SPSB1: variants seen among roughly 807,000 people sequenced by gnomAD.
SPSB1 encodes splA/ryanodine receptor domain and SOCS box containing 1.
Under a neutral mutation model 21.2 loss-of-function variants are expected in SPSB1, and 8 were observed. That is an observed-to-expected ratio of 0.38 (90% CI 0.22 to 0.68). SPSB1 has a LOEUF of 0.68. Ranked by LOEUF, SPSB1 falls within the 30% of genes least tolerant of loss-of-function variation. The pLI, the probability that SPSB1 is intolerant of heterozygous loss-of-function variation, is 0.53. For synonymous variants in SPSB1, 169 were observed against 161.7 expected (o/e 1.05, Z -0.34); for missense variants, 242 against 377.8 (o/e 0.64, Z 2.98).
chr1:9,306,822 GGAGA>G (rs1337514557), intron 1 of SPSB1, among the ~76,000 whole-genome samples: 2 of 152,184 alleles, frequency 1.3e-5, no homozygotes, highest in Non-Finnish European at 2.9e-5. Flanking sequence ...TCTGAGCTAA[GGAGA>G]GAAAGTAAAG....
At chr1:9,355,613 C>T (rs1009960315) in intron 1 of SPSB1, 130 bp from the exon 2 acceptor site, 156 of 1,038,104 alleles carry the variant, frequency 1.5e-4, no homozygotes, top group Non-Finnish European at 1.8e-4. Flanking sequence ...CCAGCCTGCC[C>T]GTGTCAGGCA....
At chr1:9,333,403 T>A (rs2100494460) in intron 1 of SPSB1, among the ~76,000 whole-genome samples, 1 of 149,456 alleles carries the variant, frequency 6.7e-6, no homozygotes, top group South Asian at 2.1e-4. Context: ...TGATCTCGGC[T>A]CACTGCAACC....
At chr1:9,343,336 C>T (rs991679895) in intron 1 of SPSB1, among the ~76,000 whole-genome samples, 1 of 151,306 alleles carries the variant, frequency 6.6e-6, no homozygotes, top group Non-Finnish European at 1.5e-5. Context: ...CTGGTCATTT[C>T]GTCGAAAGGG....
At chr1:9,364,407 C>A (rs1640523988) in intron 2 of SPSB1, among the ~76,000 whole-genome samples, 1 of 152,228 alleles carries the variant, frequency 6.6e-6, no homozygotes, top group African/African-American at 2.4e-5. Flanking sequence ...AGAATCTGGT[C>A]TGGATTCCGT....
chr1:9,346,689 C>T lies in SPSB1; in HGVS notation c.-149-9054C>T, dbSNP rs561901959. Among the ~76,000 whole-genome samples, 13 of 152,304 alleles carry T rather than the reference C, an allele frequency of 8.5e-5. No homozygotes were observed. In the South Asian group the frequency reaches 2.7e-3, roughly 32 times the overall value. On this transcript the variant is annotated intron_variant, in intron 1 of 2. Transcript: ENST00000328089. The surrounding 1 kb of genome is among the most constrained non-coding windows in gnomAD (Gnocchi z 4.4). ...CTCCCCCAGGGTCTGCTCTCAGTGC[C>T]TCATTCCTCCTCACCTCCTCCTCTT...
rs1640513014 is a variant in SPSB1 at position 9,363,699 on chromosome 1, GA to G, written c.695-3745del. Among the ~76,000 whole-genome samples the G allele has an allele frequency of 6.6e-6, 1 of 151,824 alleles. No homozygotes were observed. Among genetic ancestry groups the G allele is most frequent in the South Asian group, 2.1e-4 (1 of 4,812 alleles). On this transcript the variant is annotated intron_variant, in intron 2 of 2. Transcript: ENST00000328089. The surrounding 1 kb of genome is among the most constrained non-coding windows in gnomAD (Gnocchi z 4.5). ...GCTCATGTGGGCCTCTGCAGTTTTA[GA>G]AAATTTTTTTTTTTTTGGAGATGGA...
At chr1:9,316,075 A>G (rs2100476573) in intron 1 of SPSB1, among the ~76,000 whole-genome samples, 1 of 152,296 alleles carries the variant, frequency 6.6e-6, no homozygotes, top group South Asian at 2.1e-4. Context: ...GTGGGTCCGC[A>G]GCGGCACAGT....
At chr1:9,357,432 T>C (rs1041876641) in intron 2 of SPSB1, among the ~76,000 whole-genome samples, 10 of 152,204 alleles carry the variant, frequency 6.6e-5, no homozygotes, top group African/African-American at 2.4e-4. Flanking sequence ...GGTTTGATCC[T>C]CAGTTGACCA....
At chr1:9,339,817 C>T (rs1640060689) in intron 1 of SPSB1, among the ~76,000 whole-genome samples, 1 of 152,166 alleles carries the variant, frequency 6.6e-6, no homozygotes, top group Admixed American at 6.5e-5. Flanking sequence ...TTCTTGTGGA[C>T]CTGGTGGCAG....
intron 2 of SPSB1, among the ~76,000 whole-genome samples, chr1:9,360,051 A>G (rs988405441): frequency 6.6e-5 from 10 of 152,124 alleles, no homozygotes; most frequent in Admixed American, 2.0e-4. Flanking sequence ...CGACACATCC[A>G]GGGGGCCCTG....
intron 1 of SPSB1, among the ~76,000 whole-genome samples, chr1:9,327,032 G>C (rs755161745): frequency 6.6e-6 from 1 of 152,102 alleles, no homozygotes; most frequent in Non-Finnish European, 1.5e-5. Context: ...CTTGGCTTAG[G>C]GGCAGGTGCT....
At chr1:9,323,042 A>G (rs1639747816) in intron 1 of SPSB1, among the ~76,000 whole-genome samples, 1 of 151,644 alleles carries the variant, frequency 6.6e-6, no homozygotes. Context: ...TCTGGCTGTC[A>G]CTCTTTGATG....
rs1264952141 is a variant in SPSB1 at position 9,348,148 on chromosome 1, T to C, written c.-149-7595T>C. On this transcript the variant is annotated intron_variant, in intron 1 of 2. Coordinates refer to ENST00000328089, the MANE Select transcript of SPSB1 (RefSeq NM_025106.4). This position sits in a 1 kb window ranked among gnomAD's most constrained non-coding sequence, Gnocchi z 4.8. Reference sequence around the variant, plus strand: ...TTAGTAGAGATGGGGTTTCACTATGTTGGCCAGACTGGTCTCAAACTCCTG... The same window carrying C: ...TTAGTAGAGATGGGGTTTCACTATGCTGGCCAGACTGGTCTCAAACTCCTG... Among the ~76,000 whole-genome samples, 1 of 152,024 alleles carries C rather than the reference T, an allele frequency of 6.6e-6. No homozygotes were observed. The highest frequency in any genetic ancestry group is 2.4e-5 in the African/African-American group (1 of 41,386).
At chr1:9,354,428 G>T (rs2100513738) in intron 1 of SPSB1, among the ~76,000 whole-genome samples, 1 of 152,228 alleles carries the variant, frequency 6.6e-6, no homozygotes, top group South Asian at 2.1e-4. Context: ...CCCAAACCAG[G>T]CTGCCCTCCT....
At chr1:9,353,993 A>T (rs1445986188) in intron 1 of SPSB1, among the ~76,000 whole-genome samples, 1 of 151,880 alleles carries the variant, frequency 6.6e-6, no homozygotes, top group Non-Finnish European at 1.5e-5. Context: ...CCCTGAGATA[A>T]GGGGGTCGGG....
At chr1:9,323,467 T>C (rs1179214048) in intron 1 of SPSB1, among the ~76,000 whole-genome samples, 1 of 152,144 alleles carries the variant, frequency 6.6e-6, no homozygotes, top group Non-Finnish European at 1.5e-5. Flanking sequence ...TGGCACTGGG[T>C]ACCAAGGCTG....
In SPSB1 at chr1:9,367,449, C is replaced by T. The variant is rs149018843; in HGVS notation, c.696C>T (p.Pro232=). Residue 232 remains proline (P), a splice_region_variant and synonymous_variant, in exon 3 of 3, where the codon CCC becomes CCT. Coordinates refer to ENST00000328089, the MANE Select transcript of SPSB1 (RefSeq NM_025106.4). This position sits in a 1 kb window ranked among gnomAD's most constrained non-coding sequence, Gnocchi z 5.9. The stretch of plus-strand genomic sequence containing the variant: ...CCTGCAGTTTCTCTGTCTCCCCAGC[C>T]GAGCCGCTGCCGCTCATGGATTTGT... ...IRMRYLNGLD[P]EPLPLMDLCR... The T allele has an allele frequency of 1.7e-5, 28 of 1,612,952 alleles. No homozygotes were observed. Among genetic ancestry groups the T allele is most frequent in the African/African-American group, 1.7e-4 (13 of 75,046 alleles).
In SPSB1 at chr1:9,368,443, T is replaced by C. The variant is rs1178032006; in HGVS notation, c.*868T>C. The C allele has an allele frequency of 1.3e-5, 2 of 152,128 alleles. No homozygotes were observed. The highest frequency in any genetic ancestry group is 4.8e-5 in the African/African-American group (2 of 41,442). The allele number at this position is 152,128 out of a possible 1,614,324, so 9.4% of individuals were successfully genotyped here. On this transcript the variant is annotated 3_prime_UTR_variant, in exon 3 of 3. Coordinates refer to ENST00000328089, the MANE Select transcript of SPSB1 (RefSeq NM_025106.4). Reference sequence around the variant, plus strand: ...CCCCTCAGGGAGAAATAGCCTCACGTGCAATCTGGGTGTCTTCGGGGGCCC... The same window carrying C: ...CCCCTCAGGGAGAAATAGCCTCACGCGCAATCTGGGTGTCTTCGGGGGCCC...
chr1:9,360,273 A>G (rs1445945008), intron 2 of SPSB1, among the ~76,000 whole-genome samples: 1 of 152,138 alleles, frequency 6.6e-6, no homozygotes, highest in Non-Finnish European at 1.5e-5. Context: ...AGGGGCTTTC[A>G]GAAGGGCAAA....
Sources: gnomAD v4.1 joint callset for allele counts (sites outside exome capture counted in the v4.1 genomes callset) on GRCh38, gnomAD v4.1.1 for gene constraint, Gnocchi (gnomAD v3.1) non-coding constraint, MANE v1.5 for transcripts, NCBI Gene and HGNC (gene_info 2026-07-23, HGNC 2026-07-21) for gene names.